Variants in SNTB2 observed in about 807,000 individuals in gnomAD.
SNTB2 encodes the protein syntrophin beta 2.
SNTB2 carries 34 observed loss-of-function variants against 46.2 expected under a neutral mutation model. That is an observed-to-expected ratio of 0.74 (90% CI 0.56 to 0.98). The LOEUF is 0.98. Among genes scored for constraint, SNTB2 ranks in the 50% least tolerant of loss-of-function variants. SNTB2 has a pLI of 0.00. For synonymous variants in SNTB2, 290 were observed against 312.6 expected, an observed-to-expected ratio of 0.93 and a Z score of 0.76; for missense variants, 603 against 731.4, an observed-to-expected ratio of 0.82 and a Z score of 2.02.
At chr16:69,296,202 C>A (rs980521334) in intron 5 of SNTB2, among the ~76,000 whole-genome samples, 2 of 151,878 alleles carry the variant, frequency 1.3e-5, no homozygotes, top group African/African-American at 4.8e-5. Flanking sequence ...ATTGCTTGAA[C>A]CCAGGAGGCA....
chr16:69,269,525 A>C (rs1964918598), intron 3 of SNTB2, among the ~76,000 whole-genome samples: 1 of 152,206 alleles, frequency 6.6e-6, no homozygotes, highest in African/African-American at 2.4e-5. Flanking sequence ...GAAAAAAAAA[A>C]AGATAGATGT....
intron 5 of SNTB2, among the ~76,000 whole-genome samples, chr16:69,285,307 A>C (rs1278812845): frequency 1.3e-5 from 2 of 151,414 alleles, no homozygotes; most frequent in Non-Finnish European, 2.9e-5. Context: ...GACTCGAAGT[A>C]CATTTATAAT....
chr16:69,221,644 C>T lies in SNTB2; in HGVS notation c.581-23958C>T, dbSNP rs1042353374. On this transcript the variant is annotated intron_variant, in intron 1 of 6. Coordinates refer to ENST00000336278, the MANE Select transcript of SNTB2 (RefSeq NM_006750.4). Reference sequence around the variant, plus strand: ...TACAAAAATTAGCCAAGCATGGTGGCGCACGCCTGTAATCCCAGCTCCTCG... The same window carrying T: ...TACAAAAATTAGCCAAGCATGGTGGTGCACGCCTGTAATCCCAGCTCCTCG... Among the ~76,000 whole-genome samples the T allele has an allele frequency of 3.3e-5, 5 of 152,074 alleles. No individual in the cohort carries two copies. The East Asian group carries it at 7.7e-4, about 23-fold the overall frequency.
chr16:69,204,920 A>G (rs1412832556), intron 1 of SNTB2, among the ~76,000 whole-genome samples: 2 of 152,212 alleles, frequency 1.3e-5, no homozygotes, highest in Non-Finnish European at 2.9e-5. Context: ...CAAGAGTTTC[A>G]GTAATGTTAC....
intron 5 of SNTB2, among the ~76,000 whole-genome samples, chr16:69,286,085 A>G (rs1461076234): frequency 1.3e-5 from 2 of 152,018 alleles, no homozygotes; most frequent in Non-Finnish European, 2.9e-5. Context: ...TGCTGGGATT[A>G]CAGGTGTGAG....
intron 1 of SNTB2, among the ~76,000 whole-genome samples, chr16:69,197,388 T>C (rs75667393): frequency 4.1e-4 from 63 of 152,306 alleles, no homozygotes; most frequent in Non-Finnish European, 7.4e-4. Flanking sequence ...CAAGCAGTGA[T>C]GTTCAAACTT....
At chr16:69,237,587 C>T (rs111553162) in intron 1 of SNTB2, among the ~76,000 whole-genome samples, 6,906 of 125,810 alleles carry the variant, frequency 0.055, 186 homozygotes, top group South Asian at 0.07. Flanking sequence ...CTTTTTTTTT[C>T]TTTCTTTCTT....
intron 1 of SNTB2, among the ~76,000 whole-genome samples, chr16:69,236,087 T>C (rs1964557199): frequency 6.6e-6 from 1 of 152,172 alleles, no homozygotes; most frequent in Non-Finnish European, 1.5e-5. Flanking sequence ...GAGTATACCT[T>C]TCTGCAAGTA....
intron 1 of SNTB2, among the ~76,000 whole-genome samples, chr16:69,235,216 A>G (rs1964546952): frequency 6.6e-6 from 1 of 151,384 alleles, no homozygotes; most frequent in African/African-American, 2.4e-5. Flanking sequence ...GATTACAGGC[A>G]TGAGCCACCG....
intron 5 of SNTB2, 92 bp from the exon 6 acceptor site, chr16:69,299,498 A>T: frequency 8.0e-7 from 1 of 1,244,462 alleles, no homozygotes; most frequent in Non-Finnish European, 1.1e-6. Context: ...TCAAGAAAAT[A>T]TTTTTCCTAT....
In SNTB2 at chr16:69,206,128, C is replaced by T. The variant is rs528234521; in HGVS notation, c.580+18382C>T. On this transcript the variant is annotated intron_variant, in intron 1 of 6. Coordinates refer to ENST00000336278, the MANE Select transcript of SNTB2 (RefSeq NM_006750.4). ...TTTCCCGCCTTAGCCTCCCAAGAAA[C>T]GAGAATTACAGGAGCGTGCCACCAC... Among the ~76,000 whole-genome samples the T allele has an allele frequency of 3.3e-5, 5 of 152,194 alleles. No individual in the cohort carries two copies. In the South Asian group the frequency reaches 1.0e-3, roughly 32 times the overall value.
intron 4 of SNTB2, among the ~76,000 whole-genome samples, chr16:69,283,465 C>T (rs1459051215): frequency 6.6e-6 from 1 of 152,200 alleles, no homozygotes; most frequent in East Asian, 1.9e-4. Flanking sequence ...TTACTAGCTG[C>T]ATCTCCCCAG....
rs184769144 is a variant in SNTB2, at chr16:69,206,691, C to T, written c.580+18945C>T. On this transcript the variant is annotated intron_variant, in intron 1 of 6. Transcript: ENST00000336278. ...GGGCAACAAGAGCAAAACTCCATCTCAGAAAGAAAAAAAAAAAAAGAAAAT... is the reference window on the plus strand; with the variant it reads ...GGGCAACAAGAGCAAAACTCCATCTTAGAAAGAAAAAAAAAAAAAGAAAAT... Among the ~76,000 whole-genome samples the T allele has an allele frequency of 7.3e-3, 1,053 of 143,708 alleles. 11 individuals are homozygous for T. Among genetic ancestry groups the T allele is most frequent in the African/African-American group, 0.026 (998 of 39,068 alleles). The allele number at this position is 143,708 out of a possible 152,430, so 94.3% of individuals were successfully genotyped here. A position where few individuals can be genotyped will look rare whatever the true frequency, so the allele number is the denominator to read the frequency against.
intron 2 of SNTB2, among the ~76,000 whole-genome samples, chr16:69,254,689 A>G (rs563055298): frequency 5.3e-5 from 8 of 152,348 alleles, no homozygotes; most frequent in African/African-American, 1.7e-4. Context: ...TCCCAAATAT[A>G]CAGAGGGACC....
intron 1 of SNTB2, among the ~76,000 whole-genome samples, chr16:69,215,087 C>T (rs1251998437): frequency 6.6e-6 from 1 of 151,934 alleles, no homozygotes; most frequent in Non-Finnish European, 1.5e-5. Context: ...AGATGATCCA[C>T]TCACCTCAGA....
intron 3 of SNTB2, among the ~76,000 whole-genome samples, chr16:69,265,063 C>T (rs1011789135): frequency 2.0e-5 from 3 of 152,006 alleles, no homozygotes; most frequent in Non-Finnish European, 4.4e-5. Flanking sequence ...TCCTGTCTAA[C>T]ATGGTGAAAC....
At chr16:69,255,518 A>G (rs1161867347) in intron 2 of SNTB2, among the ~76,000 whole-genome samples, 3 of 151,424 alleles carry the variant, frequency 2.0e-5, no homozygotes, top group South Asian at 2.1e-4. Flanking sequence ...CGAGATCACG[A>G]CACTGCACTC....
chr16:69,292,417 A>T (rs1333705914), intron 5 of SNTB2, among the ~76,000 whole-genome samples: 4 of 17,334 alleles, frequency 2.3e-4, no homozygotes, highest in African/African-American at 1.3e-3. Flanking sequence ...TTATATATAT[A>T]TTATATATAT....
At chr16:69,216,043 T>C (rs1447451155) in intron 1 of SNTB2, among the ~76,000 whole-genome samples, 1 of 152,198 alleles carries the variant, frequency 6.6e-6, no homozygotes, top group Non-Finnish European at 1.5e-5. Flanking sequence ...CCTGAACTTC[T>C]GGGCTCAAGC....
Sources: gnomAD v4.1 joint callset for allele counts (sites outside exome capture counted in the v4.1 genomes callset) on GRCh38, gnomAD v4.1.1 for gene constraint, MANE v1.5 for transcripts, NCBI Gene and HGNC (gene_info 2026-07-23, HGNC 2026-07-21) for gene names.